The following JAG2 variants were observed in gnomAD, a reference collection of about 807,000 sequenced individuals.
JAG2 encodes the protein jagged canonical Notch ligand 2, also known as protein jagged-2.
In JAG2, 46 loss-of-function variants were observed where a neutral mutation model predicts 141.7. That is an observed-to-expected ratio of 0.32 (90% confidence interval 0.26 to 0.42). The LOEUF (loss-of-function observed/expected upper bound fraction) is 0.42, where lower values mean the gene tolerates loss of function less well. JAG2 is among the 10% of genes least tolerant of loss of function. The pLI is 1.00. For synonymous variants in JAG2, 862 were observed against 763.5 expected (o/e 1.13, Z -2.13); for missense variants, 1,500 against 1,817.5 (o/e 0.83, Z 3.18).
chr14:105,149,427 C>A, intron 12 of JAG2, 107 bp from the exon 13 acceptor site: 1 of 1,428,128 alleles, frequency 7.0e-7, no homozygotes, highest in Admixed American at 1.7e-5. Flanking sequence ...CCCCAGGCCC[C>A]TCCGCCCTGG....
Position 105,148,173 on chromosome 14 carries a change from C to G in JAG2, c.2191G>C (p.Gly731Arg). 6.4e-7 allele frequency: 1 copy of G among 1,552,220 alleles called. No homozygotes were observed. Among genetic ancestry groups the G allele is most frequent in the Non-Finnish European group, 8.7e-7 (1 of 1,148,038 alleles). The change falls in exon 17 of 26, where the codon GGC becomes CGC. Residue 731 changes from glycine (G) to arginine (R), a missense_variant. By Grantham distance (125) the Gly-to-Arg change is moderately radical. Coordinates refer to ENST00000331782, the MANE Select transcript of JAG2 (RefSeq NM_002226.5). The part of the protein sequence containing the change: ...CSNGGTCYDS[G>R]DTFRCACPPG... ...GGGCAGGCGCAGCGGAAGGTGTCGC[C>G]GCTGTCGTAGCAGGTGCCACCGTTG...
chr14:105,148,825 T>C lies in JAG2; in HGVS notation c.1940A>G (p.Asn647Ser), dbSNP rs1348737431. 6 of 1,598,376 alleles carry C rather than the reference T, an allele frequency of 3.8e-6. No homozygotes were observed. Among genetic ancestry groups the C allele is most frequent in the Non-Finnish European group, 5.1e-6 (6 of 1,173,130 alleles). Residue 647 changes from asparagine to serine, a missense_variant, in exon 15 of 26, where the codon AAT becomes AGT. Asn to Ser is a conservative substitution (Grantham distance 46). Around this residue, in one of 3 missense-constraint regions of JAG2, gnomAD observed 875 missense variants for 1,202.2 expected, o/e 0.73. Transcript: ENST00000331782. ...CACCTCATCGATGCATGTGCCCCCA[T>C]TGCGGCAGGGCTGGCCCAGGCAGTC... ...IDDCLGQPCR[N>S]GGTCIDEVDA...
intron 12 of JAG2, 47 bp from the exon 13 acceptor site, chr14:105,149,367 C>T (rs768250392): frequency 1.1e-5 from 18 of 1,610,778 alleles, no homozygotes; most frequent in Middle Eastern, 3.3e-4. Flanking sequence ...AGGCCCAGGC[C>T]GGGAACACAG....
chr14:105,161,551 G>A (rs963944324), intron 2 of JAG2, among the ~76,000 whole-genome samples: 3 of 152,100 alleles, frequency 2.0e-5, no homozygotes, highest in Admixed American at 6.5e-5. Flanking sequence ...GTGCCTGCCC[G>A]CCCGCCGAGA....
intron 2 of JAG2, among the ~76,000 whole-genome samples, chr14:105,164,042 G>C (rs1888837260): frequency 6.6e-6 from 1 of 152,026 alleles, no homozygotes; most frequent in Admixed American, 6.5e-5. Context: ...AGCAGCCCAG[G>C]AGGGCCCCTG....
At position 105,167,982 on chromosome 14, in the gene JAG2, G is replaced by C; in HGVS notation, c.192C>G (p.His64Gln). The C allele has an allele frequency of 1.2e-6, 2 of 1,603,094 alleles. No individual in the cohort carries two copies. The highest frequency in any genetic ancestry group is 1.1e-5 in the South Asian group (1 of 90,676). The change falls in exon 2 of 26, where the codon CAC becomes CAG. Residue 64 changes from histidine (H) to glutamine (Q), a missense_variant. Coordinates refer to ENST00000331782, the MANE Select transcript of JAG2 (RefSeq NM_002226.5). This position sits in a 1 kb window ranked among gnomAD's most constrained non-coding sequence, Gnocchi z 4.8. Reference protein sequence around the residue: ...GRTTRAGGCGHDECDTYVRVC... With the variant: ...GRTTRAGGCGQDECDTYVRVC... ...CGCGCACGTACGTGTCGCACTCGTCGTGGCCGCAGCCCCCCGCGCGCGTTG... is the reference window on the plus strand; with the variant it reads ...CGCGCACGTACGTGTCGCACTCGTCCTGGCCGCAGCCCCCCGCGCGCGTTG...
At chr14:105,151,793 C>T in intron 7 of JAG2, 54 bp from the exon 8 acceptor site, 2 of 1,600,018 alleles carry the variant, frequency 1.2e-6, no homozygotes, top group South Asian at 1.1e-5. Context: ...CAGCTTTCCA[C>T]AAGCACTCCT....
rs935378804 is a variant in JAG2, at chr14:105,167,119, T to G, written c.417+638A>C. Among the ~76,000 whole-genome samples, 2 of 152,096 alleles carry G rather than the reference T, an allele frequency of 1.3e-5. No individual in the cohort carries two copies. Among genetic ancestry groups the G allele is most frequent in the Non-Finnish European group, 2.9e-5 (2 of 68,000 alleles). ...GGAGACCAGACAGCCCCGACTCAGC[T>G]TCTGCCCCTCCAGAATAACAAAACC... On this transcript the variant is annotated intron_variant, in intron 2 of 25. Transcript: ENST00000331782. This position sits in a 1 kb window ranked among gnomAD's most constrained non-coding sequence, Gnocchi z 4.8.
rs587730186 is a variant in JAG2 at position 105,143,589 on chromosome 14, G to A, written c.3134C>T (p.Ala1045Val). The A allele has an allele frequency of 5.2e-5, 83 of 1,606,952 alleles. No individual in the cohort carries two copies. The highest frequency in any genetic ancestry group is 1.7e-4 in the Middle Eastern group (1 of 6,004). Reference sequence around the variant, plus strand: ...GATGGCGGCCACGATGGCGTGGGCCGCGCCCTGGATCAGGCTGCTGTCAGG... The same window carrying A: ...GATGGCGGCCACGATGGCGTGGGCCACGCCCTGGATCAGGCTGCTGTCAGG... The part of the protein sequence containing the change: ...DLPDSSLIQG[A>V]AHAIVAAITQ... The change falls in exon 25 of 26, where the codon GCG becomes GTG. Residue 1045 changes from alanine (A) to valine (V), a missense_variant. Transcript: ENST00000331782.
At position 105,152,063 on chromosome 14, in the gene JAG2, G is replaced by A; in HGVS notation, c.920-6C>T. 1.2e-6 allele frequency: 2 copies of A among 1,613,176 alleles called. No individual in the cohort carries two copies. Among genetic ancestry groups the A allele is most frequent in the Non-Finnish European group, 1.7e-6 (2 of 1,179,942 alleles). ...GCTGCCACAGTAGTTCAGGTCTGGG[G>A]GCAGGGGTGGGATGCTCAGGGGAAA... is the stretch of plus-strand genomic sequence containing the variant. On this transcript the variant is annotated splice_polypyrimidine_tract_variant and splice_region_variant and intron_variant, in intron 6 of 25. Coordinates refer to ENST00000331782, the MANE Select transcript of JAG2 (RefSeq NM_002226.5).
At position 105,154,246 on chromosome 14, in the gene JAG2, C is replaced by G. The variant is rs1025919233; in HGVS notation, c.788+1316G>C. On this transcript the variant is annotated intron_variant, in intron 5 of 25. Coordinates refer to ENST00000331782, the MANE Select transcript of JAG2 (RefSeq NM_002226.5). The surrounding 1 kb of genome is among the most constrained non-coding windows in gnomAD (Gnocchi z 4.4). ...TAGGCTCTCTGTGCCCCAGTGTCCT[C>G]GTCCCATGGAGGCAAACCCACTCCA... 6.6e-6 allele frequency among the ~76,000 whole-genome samples: 1 copy of G among 152,190 alleles called. No individual in the cohort carries two copies. Among genetic ancestry groups the G allele is most frequent in the Non-Finnish European group, 1.5e-5 (1 of 68,018 alleles).
rs997584317 is a variant in JAG2 at position 105,147,081 on chromosome 14, C to A, written c.2479+245G>T. 3 of 609,616 alleles carry A rather than the reference C, an allele frequency of 4.9e-6. No homozygotes were observed. The South Asian group carries it at 5.8e-5, about 12-fold the overall frequency. The allele number at this position is 609,616 out of a possible 1,614,324, so 37.8% of individuals were successfully genotyped here. A position where few individuals can be genotyped will look rare whatever the true frequency, so the allele number is the denominator to read the frequency against. ...CCCACGTCAGGCTGCACGCTCCAAC[C>A]CCCACAGCTCCCTGGGCCCCGGACT... On this transcript the variant is annotated intron_variant, in intron 20 of 25. Transcript: ENST00000331782.
chr14:105,143,649 G>A lies in JAG2; in HGVS notation c.3085-11C>T, dbSNP rs774455303. 6 of 1,605,644 alleles carry A rather than the reference G, an allele frequency of 3.7e-6. No homozygotes were observed. Among genetic ancestry groups the A allele is most frequent in the African/African-American group, 2.7e-5 (2 of 74,902 alleles). ...GGCAGGGCTGAAGGACTGCGGCAAA[G>A]AACGGCATTGTGGGGATGGCTCGAG... On this transcript the variant is annotated splice_polypyrimidine_tract_variant and intron_variant, in intron 24 of 25. Transcript: ENST00000331782.
intron 5 of JAG2, among the ~76,000 whole-genome samples, chr14:105,153,755 T>C (rs1156693902): frequency 6.6e-6 from 1 of 152,172 alleles, no homozygotes; most frequent in Non-Finnish European, 1.5e-5. Flanking sequence ...CTCATCTTCC[T>C]GCGGGTAAAG....
chr14:105,168,395 A>G lies in JAG2; in HGVS notation c.26T>C (p.Leu9Pro). The change falls in exon 1 of 26, where the codon CTT (leucine) becomes CCT (proline). Residue 9 changes from leucine (L) to proline (P), a missense_variant. By Grantham distance (98) the Leu-to-Pro change is moderately conservative. Transcript: ENST00000331782. ...CAGCAGCAGCAGCAGCCGCCGGGGA[A>G]GGCGCCCCCGGCCCTGCGCCCGCAT... MRAQGRGR[L>P]PRRLLLLLAL... The G allele has an allele frequency of 2.0e-6, 2 of 1,016,974 alleles. No individual in the cohort carries two copies. Among genetic ancestry groups the G allele is most frequent in the Non-Finnish European group, 2.4e-6 (2 of 830,134 alleles). The allele number at this position is 1,016,974 out of a possible 1,614,324, so 63.0% of individuals were successfully genotyped here.
Position 105,154,199 on chromosome 14 carries a change from TG to T in JAG2, c.788+1362del, listed in dbSNP as rs1888516156. 6.6e-6 allele frequency among the ~76,000 whole-genome samples: 1 copy of T among 152,160 alleles called. No homozygotes were observed. Among genetic ancestry groups the T allele is most frequent in the East Asian group, 1.9e-4 (1 of 5,184 alleles). ...CCGACTCCTCTCCAAAACGCCACGC[TG>T]TGTGACCCTGGGGAAATCAGTAGGC... On this transcript the variant is annotated intron_variant, in intron 5 of 25. Transcript: ENST00000331782. This position sits in a 1 kb window ranked among gnomAD's most constrained non-coding sequence, Gnocchi z 4.4.
Position 105,151,264 on chromosome 14 carries a change from A to G in JAG2, c.1267+19T>C, listed in dbSNP as rs1888421086. On this transcript the variant is annotated intron_variant, in intron 9 of 25. Coordinates refer to ENST00000331782, the MANE Select transcript of JAG2 (RefSeq NM_002226.5). ...GCATGCGCGGCCCACGTTCCCATGC[A>G]CTCGCTCGGAGCCCTTACCCAGCTG... The G allele has an allele frequency of 1.2e-6, 2 of 1,604,024 alleles. No homozygotes were observed. Among genetic ancestry groups the G allele is most frequent in the Non-Finnish European group, 1.7e-6 (2 of 1,173,518 alleles).
intron 20 of JAG2, 98 bp from the exon 21 acceptor site, chr14:105,146,822 C>T: frequency 1.0e-6 from 1 of 971,802 alleles, no homozygotes; most frequent in Non-Finnish European, 1.6e-6. Context: ...CACACAGGCG[C>T]AAGCCCCAGG....
At chr14:105,144,870 G>C (rs1888174264) in intron 24 of JAG2, 60 bp downstream of exon 24, 1 of 1,576,324 alleles carries the variant, frequency 6.3e-7, no homozygotes, top group East Asian at 2.3e-5. Context: ...AGCATAGCCA[G>C]GACCTGCATA....
Sources: allele counts gnomAD v4.1 joint callset (sites outside exome capture counted in the v4.1 genomes callset), GRCh38; gene constraint gnomAD v4.1.1; regional missense constraint gnomAD v4.1.1; non-coding constraint Gnocchi (gnomAD v3.1); transcripts MANE v1.5; gene names NCBI Gene and HGNC (gene_info 2026-07-23, HGNC 2026-07-21).